Variants in CLNS1A observed in about 807,000 individuals in gnomAD.
CLNS1A encodes methylosome subunit pICln.
In CLNS1A, 16 loss-of-function variants were observed where a neutral mutation model predicts 29.4. The observed-to-expected ratio is 0.54, with a 90% CI of 0.37 to 0.83. The LOEUF (loss-of-function observed/expected upper bound fraction) is 0.83, where lower values mean the gene tolerates loss of function less well. Among genes scored for constraint, CLNS1A ranks in the 40% least tolerant of loss-of-function variants. The pLI, the probability that CLNS1A is intolerant of heterozygous loss-of-function variation, is 0.00. For missense variants in CLNS1A, 235 were observed against 287.4 expected (o/e 0.82, Z 1.32); for synonymous variants, 96 against 104.8 (o/e 0.92, Z 0.51).
intron 6 of CLNS1A, among the ~76,000 whole-genome samples, chr11:77,619,056 G>A (rs1255912739): frequency 6.6e-6 from 1 of 152,110 alleles, no homozygotes; most frequent in African/African-American, 2.4e-5. Context: ...AGCTTATAAA[G>A]GACTACTACA....
At chr11:77,630,909 T>C (rs868157184) in intron 1 of CLNS1A, among the ~76,000 whole-genome samples, 2 of 152,192 alleles carry the variant, frequency 1.3e-5, no homozygotes, top group South Asian at 2.1e-4. Flanking sequence ...GTGGTGATAA[T>C]TGCACAATTC....
At chr11:77,631,407 G>A (rs1213767561) in intron 1 of CLNS1A, among the ~76,000 whole-genome samples, 1 of 148,386 alleles carries the variant, frequency 6.7e-6, no homozygotes, top group Non-Finnish European at 1.5e-5. Flanking sequence ...TGCAAGCTCC[G>A]CCTCTCGGGT....
At chr11:77,618,174 ATTC>A (rs1958923406) in intron 6 of CLNS1A, among the ~76,000 whole-genome samples, 1 of 152,228 alleles carries the variant, frequency 6.6e-6, no homozygotes. Context: ...TGTATAGTCT[ATTC>A]TTCAAAAGAA....
chr11:77,618,261 G>C lies in CLNS1A; in HGVS notation c.*22+1345C>G, dbSNP rs527640446. Among the ~76,000 whole-genome samples the C allele has an allele frequency of 3.3e-5, 5 of 152,268 alleles. No individual in the cohort carries two copies. In the East Asian group the frequency reaches 7.7e-4, roughly 23 times the overall value. ...AACAGTTACTAAAACAAGTATCACT[G>C]AACTGAAAAAATTAATATGCTATAA... is the stretch of plus-strand genomic sequence containing the variant. On this transcript the variant is annotated intron_variant, in intron 6 of 6. Coordinates refer to ENST00000525428, the MANE Select transcript of CLNS1A (RefSeq NM_001293.3).
chr11:77,622,949 GAAAAAAA>G (rs35752186), intron 4 of CLNS1A, among the ~76,000 whole-genome samples: 6 of 105,818 alleles, frequency 5.7e-5, no homozygotes, highest in Non-Finnish European at 9.5e-5. Flanking sequence ...CCTTGTCTTG[GAAAAAAA>G]AAAAAAAAAA....
chr11:77,627,331 C>T (rs1462306385), intron 2 of CLNS1A, among the ~76,000 whole-genome samples: 1 of 150,082 alleles, frequency 6.7e-6, no homozygotes, highest in Non-Finnish European at 1.5e-5. Flanking sequence ...CCCAGCTACT[C>T]GGGAGGCTGA....
At chr11:77,621,713 T>C (rs992777845) in intron 5 of CLNS1A, among the ~76,000 whole-genome samples, 8 of 152,242 alleles carry the variant, frequency 5.3e-5, no homozygotes, top group Admixed American at 5.2e-4. Context: ...TCCAGATAGT[T>C]GGTCAAACAT....
At chr11:77,625,491 C>A in intron 3 of CLNS1A, 2 of 500,622 alleles carry the variant, frequency 4.0e-6, no homozygotes, top group Non-Finnish European at 6.9e-6. Flanking sequence ...ACAAAATATA[C>A]CCAGATGACA....
chr11:77,629,631 T>C, intron 2 of CLNS1A, 132 bp downstream of exon 2: 1 of 722,618 alleles, frequency 1.4e-6, no homozygotes, highest in Non-Finnish European at 2.2e-6. Context: ...CCTGACCTTG[T>C]GATCCGCCCG....
chr11:77,637,217 G>A, intron 1 of CLNS1A, among the ~76,000 whole-genome samples: 1 of 110,444 alleles, frequency 9.1e-6, no homozygotes, highest in Non-Finnish European at 1.7e-5. Flanking sequence ...CAACGCACGC[G>A]CCAGACCTCC....
At chr11:77,630,016 T>C (rs926375520) in intron 1 of CLNS1A, 117 bp from the exon 2 acceptor site, 6 of 868,894 alleles carry the variant, frequency 6.9e-6, no homozygotes, top group Non-Finnish European at 1.0e-5. Flanking sequence ...TCAAGTTTAC[T>C]TTTTTAGAAA....
intron 1 of CLNS1A, among the ~76,000 whole-genome samples, chr11:77,631,587 G>GT (rs1959075444): frequency 6.6e-6 from 1 of 151,464 alleles, no homozygotes; most frequent in Non-Finnish European, 1.5e-5. Flanking sequence ...AAAGTGCTGG[G>GT]ATTATAGGCA....
chr11:77,616,390 A>C lies in CLNS1A; in HGVS notation c.*328T>G, dbSNP rs3209679. 1.1e-4 allele frequency: 17 copies of C among 152,712 alleles called. 1 individual carries two copies. In the South Asian group the frequency reaches 3.5e-3, roughly 32 times the overall value. 9.5% of individuals were successfully genotyped at this position (152,712 alleles called of 1,614,324 possible). A position where few individuals can be genotyped will look rare whatever the true frequency, so the allele number is the denominator to read the frequency against. On this transcript the variant is annotated 3_prime_UTR_variant, in exon 7 of 7. Coordinates refer to ENST00000525428, the MANE Select transcript of CLNS1A (RefSeq NM_001293.3). ...GCTCCTGTGCATTTTCACCACATAG[A>C]TCTGCTAGCTTACAAATGATGCACA...
At chr11:77,621,501 G>A (rs1958957926) in intron 5 of CLNS1A, among the ~76,000 whole-genome samples, 1 of 152,126 alleles carries the variant, frequency 6.6e-6, no homozygotes, top group African/African-American at 2.4e-5. Context: ...AAAATTAGCT[G>A]GGAGCGGTGG....
chr11:77,619,493 T>C, intron 6 of CLNS1A, 113 bp downstream of exon 6: 1 of 730,986 alleles, frequency 1.4e-6, no homozygotes, highest in South Asian at 1.7e-5. Context: ...CACTGCACTC[T>C]AGCCTGGGTG....
In CLNS1A at chr11:77,619,706, A is replaced by C. The variant is rs551491149; in HGVS notation, c.647-11T>G. On this transcript the variant is annotated splice_polypyrimidine_tract_variant and intron_variant, in intron 5 of 6. Transcript: ENST00000525428. ...CCACCTCCATCCCATCTAAACAAAA[A>C]AATTAATTACTGAGCAATCCCTATG... The C allele has an allele frequency of 6.2e-7, 1 of 1,602,368 alleles. No individual in the cohort carries two copies. Among genetic ancestry groups the C allele is most frequent in the South Asian group, 1.1e-5 (1 of 90,844 alleles).
At chr11:77,622,162 G>T in intron 5 of CLNS1A, 1 of 438,878 alleles carries the variant, frequency 2.3e-6, no homozygotes, top group Non-Finnish European at 4.6e-6. Context: ...ATGACACTTT[G>T]TTATAATAGC....
rs1457815496 is a variant in CLNS1A, at chr11:77,625,057, G to A, written c.378C>T (p.Phe126=). The change falls in exon 4 of 7, where the codon TTC becomes TTT. Residue 126 remains phenylalanine (F), a synonymous_variant. Coordinates refer to ENST00000525428, the MANE Select transcript of CLNS1A (RefSeq NM_001293.3). ...PSDKSALEAM[F]TAMCECQALH... is the part of the protein sequence containing the mutation. ...AGGCCTGGCATTCGCACATTGCAGT[G>A]AACATTGCCTCCACTGAACAAGGAA... is the stretch of plus-strand genomic sequence containing the variant. 5 of 1,611,080 alleles carry A rather than the reference G, an allele frequency of 3.1e-6. No homozygotes were observed. In the Admixed American group the frequency reaches 6.7e-5, roughly 22 times the overall value.
chr11:77,625,114 A>C (rs1489424192), intron 3 of CLNS1A, 44 bp from the exon 4 acceptor site: 1 of 1,393,724 alleles, frequency 7.2e-7, no homozygotes, highest in Admixed American at 1.8e-5. Context: ...TTTTGTAATA[A>C]AAGTAACCAT....
Sources: gnomAD v4.1 joint callset for allele counts (sites outside exome capture counted in the v4.1 genomes callset) on GRCh38, gnomAD v4.1.1 for gene constraint, MANE v1.5 for transcripts, NCBI Gene and HGNC (gene_info 2026-07-23, HGNC 2026-07-21) for gene names.